SCARB1: variants seen among roughly 807,000 people sequenced by gnomAD.
The protein encoded by SCARB1 is scavenger receptor class B member 1, also known as CD36 and LIMPII analogous 1.
SCARB1 carries 30 observed loss-of-function variants against 57.2 expected under a neutral mutation model. The observed-to-expected ratio is 0.52, with a 90% CI of 0.39 to 0.71. SCARB1 has a LOEUF of 0.71. Among genes scored for constraint, SCARB1 ranks in the 30% least tolerant of loss-of-function variants. The probability of loss-of-function intolerance (pLI) is 0.00; values close to 1 mark genes in which losing one functional copy is unlikely to be tolerated. For missense variants in SCARB1, 543 were observed against 671.2 expected, an observed-to-expected ratio of 0.81 and a Z score of 2.11; for synonymous variants, 249 against 268.3, an observed-to-expected ratio of 0.93 and a Z score of 0.70.
chr12:124,863,645 C>A lies in SCARB1; in HGVS notation c.76G>T (p.Ala26Ser). 1.3e-6 allele frequency: 2 copies of A among 1,595,176 alleles called. No homozygotes were observed. Among genetic ancestry groups the A allele is most frequent in the Non-Finnish European group, 1.7e-6 (2 of 1,171,426 alleles). The change falls in exon 1 of 13, where the codon GCT becomes TCT. Residue 26 changes from alanine (A) to serine (S), a missense_variant. Physicochemically the swap from Ala to Ser is moderately conservative, Grantham distance 99. Transcript: ENST00000261693. ...GACGGCACCATCACGATCATGACAG[C>A]GCCCAGCACAGCGCACAGTAGCCCC... ...VAGLLCAVLG[A>S]VMIVMVPSLI...
chr12:124,802,634 C>T (rs983583412), intron 7 of SCARB1, among the ~76,000 whole-genome samples: 20 of 152,192 alleles, frequency 1.3e-4, no homozygotes, highest in Admixed American at 3.3e-4. Flanking sequence ...GACCCACGCA[C>T]GTGTTTCTTC....
At chr12:124,861,669 G>A (rs1952907987) in intron 1 of SCARB1, among the ~76,000 whole-genome samples, 1 of 152,310 alleles carries the variant, frequency 6.6e-6, no homozygotes, top group African/African-American at 2.4e-5. Flanking sequence ...AGAAGTGGCC[G>A]TCTTGGGCTG....
chr12:124,781,915 T>C (rs1287452377), intron 12 of SCARB1, among the ~76,000 whole-genome samples: 1 of 150,908 alleles, frequency 6.6e-6, no homozygotes, highest in Non-Finnish European at 1.5e-5. Flanking sequence ...ATTTTAGTTT[T>C]ATTTTTTTGA....
In SCARB1 at chr12:124,796,335, C is replaced by T. The variant is rs1337360466; in HGVS notation, c.1129-1067G>A. ...AAACTCCTAGCCTCAAGTGATCTTCCTGCCTCAGCCTCCCAAAGCAGTGGA... is the reference window on the plus strand; with the variant it reads ...AAACTCCTAGCCTCAAGTGATCTTCTTGCCTCAGCCTCCCAAAGCAGTGGA... On this transcript the variant is annotated intron_variant, in intron 8 of 12. Transcript: ENST00000261693. This position sits in a 1 kb window ranked among gnomAD's most constrained non-coding sequence, Gnocchi z 4.0. 6.6e-6 allele frequency among the ~76,000 whole-genome samples: 1 copy of T among 152,220 alleles called. No homozygotes were observed. Among genetic ancestry groups the T allele is most frequent in the East Asian group, 1.9e-4 (1 of 5,206 alleles).
At chr12:124,799,323 G>A (rs545950383) in intron 8 of SCARB1, among the ~76,000 whole-genome samples, 70 of 152,230 alleles carry the variant, frequency 4.6e-4, no homozygotes, top group Non-Finnish European at 7.8e-4. Flanking sequence ...CCAAGAGTTC[G>A]AGACCAGACT....
rs1202349151 is a variant in SCARB1 at position 124,822,623 on chromosome 12, G to A, written c.127-4916C>T. On this transcript the variant is annotated intron_variant, in intron 1 of 12. Transcript: ENST00000261693. The surrounding 1 kb of genome is among the most constrained non-coding windows in gnomAD (Gnocchi z 5.0). ...AATTAGGCCAGGCATGGTGGCTCAC[G>A]CCTGTAATCCAAGGACTTTGGGAGG... Among the ~76,000 whole-genome samples the A allele has an allele frequency of 1.3e-5, 2 of 152,132 alleles. No individual in the cohort carries two copies. Among genetic ancestry groups the A allele is most frequent in the African/African-American group, 2.4e-5 (1 of 41,428 alleles).
At chr12:124,797,310 T>G (rs1228930608) in intron 8 of SCARB1, among the ~76,000 whole-genome samples, 3 of 152,096 alleles carry the variant, frequency 2.0e-5, no homozygotes, top group Non-Finnish European at 2.9e-5. Context: ...ATAAGCAGCG[T>G]CCTGTTGAGT....
At chr12:124,803,859 T>G (rs529959211) in intron 7 of SCARB1, among the ~76,000 whole-genome samples, 1 of 152,252 alleles carries the variant, frequency 6.6e-6, no homozygotes, top group South Asian at 2.1e-4. Flanking sequence ...CACTTGAGCC[T>G]GGGCAACAGA....
rs868692281 is a variant in SCARB1, at chr12:124,816,967, G to C, written c.284+583C>G. 8.1e-4 allele frequency among the ~76,000 whole-genome samples: 123 copies of C among 151,554 alleles called. 2 individuals carry two copies. The highest frequency in any genetic ancestry group is 6.0e-4 in the African/African-American group (25 of 41,386). On this transcript the variant is annotated intron_variant, in intron 2 of 12. Coordinates refer to ENST00000261693, the MANE Select transcript of SCARB1 (RefSeq NM_005505.5). The stretch of plus-strand genomic sequence containing the variant: ...GACCCCTTCCCGTGCTGACCCACCC[G>C]GTCCTCTGGCCCAGATAGGGTCTGG...
At chr12:124,782,853 A>G in intron 11 of SCARB1, 42 bp from the exon 12 acceptor site, 1 of 1,611,990 alleles carries the variant, frequency 6.2e-7, no homozygotes, top group Non-Finnish European at 8.5e-7. Context: ...CGTTGAAGCC[A>G]CATAAAAATG....
intron 9 of SCARB1, among the ~76,000 whole-genome samples, chr12:124,788,763 A>C (rs1949614303): frequency 6.6e-6 from 1 of 152,110 alleles, no homozygotes; most frequent in Non-Finnish European, 1.5e-5. Flanking sequence ...ACCTAATTCC[A>C]CCAATATACC....
intron 1 of SCARB1, among the ~76,000 whole-genome samples, chr12:124,840,944 G>A (rs1951881994): frequency 6.6e-6 from 1 of 152,092 alleles, no homozygotes; most frequent in Admixed American, 6.5e-5. Context: ...CAAGGCAGGT[G>A]GATCACCTGA....
At position 124,812,866 on chromosome 12, in the gene SCARB1, C is replaced by G. The variant is rs973907288; in HGVS notation, c.631-901G>C. On this transcript the variant is annotated intron_variant, in intron 4 of 12. Coordinates refer to ENST00000261693, the MANE Select transcript of SCARB1 (RefSeq NM_005505.5). The surrounding 1 kb of genome is among the most constrained non-coding windows in gnomAD (Gnocchi z 4.3). ...GAGCCAAGAATAACCAGAGCCACTA[C>G]AAAGGGGAGCATTAAAGGGACTCAT... 2.0e-5 allele frequency among the ~76,000 whole-genome samples: 3 copies of G among 152,094 alleles called. No homozygotes were observed. The highest frequency in any genetic ancestry group is 7.2e-5 in the African/African-American group (3 of 41,408).
At chr12:124,838,242 A>T (rs1176703063) in intron 1 of SCARB1, among the ~76,000 whole-genome samples, 1 of 152,238 alleles carries the variant, frequency 6.6e-6, no homozygotes, top group Non-Finnish European at 1.5e-5. Context: ...GGATCTGGCC[A>T]TTAGGGAGAG....
chr12:124,848,581 A>AT (rs960929960), intron 1 of SCARB1, among the ~76,000 whole-genome samples: 1 of 152,272 alleles, frequency 6.6e-6, no homozygotes, highest in Non-Finnish European at 1.5e-5. Flanking sequence ...GAGGATGCAC[A>AT]TGCAGCAACT....
intron 1 of SCARB1, among the ~76,000 whole-genome samples, chr12:124,825,154 G>A (rs975301116): frequency 6.7e-6 from 1 of 148,380 alleles, no homozygotes. Context: ...GAATCCAGGA[G>A]GCGGAGGTTG....
chr12:124,803,320 T>C (rs925635669), intron 7 of SCARB1, among the ~76,000 whole-genome samples: 1 of 152,174 alleles, frequency 6.6e-6, no homozygotes, highest in Non-Finnish European at 1.5e-5. Context: ...GGTTCATGCC[T>C]GTAATCCCAG....
At chr12:124,803,875 C>T (rs1950231062) in intron 7 of SCARB1, among the ~76,000 whole-genome samples, 1 of 151,938 alleles carries the variant, frequency 6.6e-6, no homozygotes, top group African/African-American at 2.4e-5. Context: ...ACAGAGAAAC[C>T]CTGTCTCAAA....
chr12:124,787,881 C>T (rs1306501867), intron 9 of SCARB1, among the ~76,000 whole-genome samples: 2 of 152,144 alleles, frequency 1.3e-5, no homozygotes, highest in Non-Finnish European at 2.9e-5. Flanking sequence ...TTCTTACCCT[C>T]AGTACAGTAC....
Sources: gnomAD v4.1 joint callset for allele counts (sites outside exome capture counted in the v4.1 genomes callset) on GRCh38, gnomAD v4.1.1 for gene constraint, Gnocchi (gnomAD v3.1) non-coding constraint, MANE v1.5 for transcripts, NCBI Gene and HGNC (gene_info 2026-07-23, HGNC 2026-07-21) for gene names.